The following GLIS3 variants were observed in gnomAD, a reference collection of about 807,000 sequenced individuals.
GLIS3 encodes zinc finger protein GLIS3.
In GLIS3, 53 loss-of-function variants were observed where a neutral mutation model predicts 78.6. The observed-to-expected ratio is 0.67, with a 90% CI of 0.54 to 0.85. The LOEUF (loss-of-function observed/expected upper bound fraction) is 0.85. GLIS3 is among the 40% of genes least tolerant of loss of function. GLIS3 has a pLI of 0.00. For missense variants in GLIS3, 1,703 were observed against 1,231.1 expected (o/e 1.38, Z -5.74); for synonymous variants, 684 against 509.9 (o/e 1.34, Z -4.60).
At chr9:4,347,845 T>C (rs779289235) in intron 1 of GLIS3, among the ~76,000 whole-genome samples, 2 of 152,150 alleles carry the variant, frequency 1.3e-5, no homozygotes, top group Non-Finnish European at 2.9e-5. Context: ...TACTGGGTAA[T>C]TTTTTTAGCC....
intron 3 of GLIS3, among the ~76,000 whole-genome samples, chr9:4,122,934 G>A (rs1321076565): frequency 6.6e-6 from 1 of 152,152 alleles, no homozygotes; most frequent in African/African-American, 2.4e-5. Context: ...GGTATAGTTT[G>A]CATTTATCAT....
At chr9:3,894,857 T>C (rs1206615461) in intron 7 of GLIS3, among the ~76,000 whole-genome samples, 1 of 152,218 alleles carries the variant, frequency 6.6e-6, no homozygotes, top group African/African-American at 2.4e-5. Flanking sequence ...TCTCGTAGAT[T>C]TCTCTTGTTC....
At chr9:3,950,322 A>C (rs1816593028) in intron 4 of GLIS3, among the ~76,000 whole-genome samples, 1 of 152,150 alleles carries the variant, frequency 6.6e-6, no homozygotes, top group Admixed American at 6.5e-5. Context: ...GAAAACTAGA[A>C]ATCTAATAAT....
intron 4 of GLIS3, among the ~76,000 whole-genome samples, chr9:3,950,430 C>T (rs1816601681): frequency 6.6e-6 from 1 of 152,202 alleles, no homozygotes; most frequent in Non-Finnish European, 1.5e-5. Context: ...TGATGTGGCT[C>T]CCGCCTACTT....
rs187194808 is a variant in GLIS3 at position 4,046,606 on chromosome 9, T to G, written c.1710+71162A>C. Among the ~76,000 whole-genome samples the G allele has an allele frequency of 4.8e-4, 73 of 152,288 alleles. 1 individual carries two copies. The highest frequency in any genetic ancestry group is 1.7e-3 in the African/African-American group (72 of 41,564). On this transcript the variant is annotated intron_variant, in intron 4 of 10. Coordinates refer to ENST00000381971, the MANE Select transcript of GLIS3 (RefSeq NM_001042413.2). The stretch of plus-strand genomic sequence containing the variant: ...CTTAATGTGCATGTGATTTTTAGAA[T>G]TAGGTAGGTAATAAATCTTTTCTAC...
intron 2 of GLIS3, among the ~76,000 whole-genome samples, chr9:4,266,337 G>A (rs1826003832): frequency 2.6e-5 from 4 of 152,042 alleles, no homozygotes; most frequent in African/African-American, 7.2e-5. Context: ...GATGGATGAA[G>A]TGCCTCCAAT....
chr9:4,136,266 T>C (rs1231458482), intron 2 of GLIS3, among the ~76,000 whole-genome samples: 2 of 152,150 alleles, frequency 1.3e-5, no homozygotes, highest in African/African-American at 4.8e-5. Context: ...TGAAGCTAAA[T>C]CATAGAGACA....
Position 3,824,703 on chromosome 9 carries a change from CCAGTATGATATATG to C in GLIS3, c.*3555_*3568del, listed in dbSNP as rs1817633076. The C allele has an allele frequency of 6.6e-6, 1 of 152,496 alleles. No individual in the cohort carries two copies. The highest frequency in any genetic ancestry group is 2.4e-5 in the African/African-American group (1 of 41,382). 9.4% of individuals were successfully genotyped at this position (152,496 alleles called of 1,614,324 possible). A position where few individuals can be genotyped will look rare whatever the true frequency, so the allele number is the denominator to read the frequency against. ...CTCTAGAGTAAAATCGGCCCCATAT[CCAGTATGATATATG>C]CAGTTCATTTCTCTACGTGAGTGTA... is the stretch of plus-strand genomic sequence containing the variant. On this transcript the variant is annotated 3_prime_UTR_variant, in exon 11 of 11. Transcript: ENST00000381971.
At chr9:4,013,528 A>T (rs1822203841) in intron 4 of GLIS3, among the ~76,000 whole-genome samples, 1 of 152,226 alleles carries the variant, frequency 6.6e-6, no homozygotes, top group Non-Finnish European at 1.5e-5. Flanking sequence ...CTGCATACAC[A>T]TCTATACATT....
intron 2 of GLIS3, among the ~76,000 whole-genome samples, chr9:4,331,314 T>C (rs1476724509): frequency 6.6e-6 from 1 of 152,112 alleles, no homozygotes; most frequent in African/African-American, 2.4e-5. Flanking sequence ...CCTCTCCTTG[T>C]CTCGTGACAT....
intron 2 of GLIS3, among the ~76,000 whole-genome samples, chr9:4,272,210 A>G (rs905169638): frequency 2.6e-5 from 4 of 152,172 alleles, no homozygotes; most frequent in African/African-American, 7.2e-5. Flanking sequence ...TTTAACTCAC[A>G]TAGACACAAA....
chr9:3,847,448 A>G (rs1233612988), intron 9 of GLIS3, among the ~76,000 whole-genome samples: 2 of 152,244 alleles, frequency 1.3e-5, no homozygotes, highest in African/African-American at 2.4e-5. Flanking sequence ...TTGTGGGACA[A>G]TGTAGTCCCT....
the GLIS3 span, among the ~76,000 whole-genome samples, chr9:4,439,948 G>A: frequency 6.6e-6 from 1 of 152,182 alleles, no homozygotes; most frequent in Non-Finnish European, 1.5e-5. Context: ...CTTTCAAAAT[G>A]CTGGGATTAC....
intron 4 of GLIS3, chr9:4,034,560 TC>T (rs1293310101): frequency 1.3e-5 from 2 of 152,210 alleles, no homozygotes; most frequent in African/African-American, 4.8e-5. Flanking sequence ...TTGGCTGTCC[TC>T]GGGGATTCAC....
chr9:4,117,779 T>C lies in GLIS3; in HGVS notation c.1699A>G (p.Asn567Asp). 6.2e-7 allele frequency: 1 copy of C among 1,614,184 alleles called. No individual in the cohort carries two copies. Among genetic ancestry groups the C allele is most frequent in the Non-Finnish European group, 8.5e-7 (1 of 1,180,026 alleles). Residue 567 changes from asparagine (N) to aspartate (D), a missense_variant, in exon 4 of 11, where the codon AAC becomes GAC. Transcript: ENST00000381971. ...CTTCGGAAACTCACCGTACACTTGT[T>C]GGGCTTCTCCCCAGAGTGGACTCTC... is the stretch of plus-strand genomic sequence containing the variant. The part of the protein sequence containing the change: ...HMRVHSGEKP[N>D]KCTFEGCEKA...
intron 4 of GLIS3, among the ~76,000 whole-genome samples, chr9:3,957,011 A>G (rs1043419318): frequency 7.9e-5 from 12 of 152,220 alleles, no homozygotes; most frequent in African/African-American, 2.4e-4. Flanking sequence ...AACTCGCAGC[A>G]TGGCATCAGC....
chr9:3,907,625 G>GACACACAC (rs1009788837), intron 6 of GLIS3, among the ~76,000 whole-genome samples: 11 of 102,260 alleles, frequency 1.1e-4, no homozygotes, highest in African/African-American at 3.9e-4. Flanking sequence ...CACACACACA[G>GACACACAC]ACACACACAC....
upstream of GLIS3, among the ~76,000 whole-genome samples, chr9:4,353,099 G>A (rs185658931): frequency 2.0e-3 from 309 of 152,222 alleles, 1 homozygote; most frequent in Non-Finnish European, 3.5e-3. Context: ...CGTGTCTTTG[G>A]ATTCCTGGGT....
chr9:4,389,915 AAC>A, the GLIS3 span, among the ~76,000 whole-genome samples: 1 of 152,254 alleles, frequency 6.6e-6, no homozygotes, highest in Non-Finnish European at 1.5e-5. Context: ...CGTAAGAAGC[AAC>A]ACAGTGTGAT....
Sources: allele counts gnomAD v4.1 joint callset (sites outside exome capture counted in the v4.1 genomes callset), GRCh38; gene constraint gnomAD v4.1.1; transcripts MANE v1.5; gene names NCBI Gene and HGNC (gene_info 2026-07-23, HGNC 2026-07-21).